Variants in SUGCT observed in about 807,000 individuals in gnomAD.
SUGCT encodes succinyl-CoA:glutarate-CoA transferase.
A neutral mutation model predicts 55.0 loss-of-function variants in SUGCT; 41 were observed. The ratio of observed to expected loss-of-function variants is 0.74; its 90% CI spans 0.58 to 0.97. SUGCT has a LOEUF of 0.97. Ranked by LOEUF, SUGCT falls within the 50% of genes least tolerant of loss-of-function variation. SUGCT has a pLI of 0.00. For synonymous variants in SUGCT, 187 were observed against 200.4 expected (o/e 0.93, Z 0.56); for missense variants, 568 against 547.8 (o/e 1.04, Z -0.37).
chr7:40,769,036 A>T (rs950437296), intron 13 of SUGCT, among the ~76,000 whole-genome samples: 3 of 152,152 alleles, frequency 2.0e-5, no homozygotes, highest in Non-Finnish European at 4.4e-5. Flanking sequence ...GCTAATAATT[A>T]GATGTTAGAG....
At chr7:40,211,437 A>G (rs1787329483) in intron 6 of SUGCT, among the ~76,000 whole-genome samples, 1 of 151,664 alleles carries the variant, frequency 6.6e-6, no homozygotes, top group African/African-American at 2.4e-5. Context: ...CTGATCTTGA[A>G]CTCCTGGCCT....
chr7:40,915,280 T>G, the SUGCT span, among the ~76,000 whole-genome samples: 2 of 152,134 alleles, frequency 1.3e-5, no homozygotes, highest in Non-Finnish European at 2.9e-5. Flanking sequence ...GCACCGGTCT[T>G]ATCACTGAGA....
chr7:40,220,460 AT>A (rs1416762379), intron 6 of SUGCT, among the ~76,000 whole-genome samples: 1 of 152,212 alleles, frequency 6.6e-6, no homozygotes, highest in Non-Finnish European at 1.5e-5. Flanking sequence ...GTTACCAAGT[AT>A]TTTTAAGCCA....
At chr7:40,489,775 G>A (rs996704880) in intron 11 of SUGCT, among the ~76,000 whole-genome samples, 1 of 152,118 alleles carries the variant, frequency 6.6e-6, no homozygotes, top group African/African-American at 2.4e-5. Flanking sequence ...ACTTTGTCAT[G>A]CACTTCACTG....
At chr7:40,941,898 T>C in the SUGCT span, among the ~76,000 whole-genome samples, 1 of 152,294 alleles carries the variant, frequency 6.6e-6, no homozygotes, top group Middle Eastern at 3.4e-3. Flanking sequence ...CTGTTCATTT[T>C]TTGTTTCCAT....
intron 7 of SUGCT, among the ~76,000 whole-genome samples, chr7:40,260,566 G>A (rs1352872646): frequency 6.6e-6 from 1 of 152,200 alleles, no homozygotes; most frequent in Non-Finnish European, 1.5e-5. Flanking sequence ...GAATTTCTGG[G>A]TTGTGAATAT....
intron 12 of SUGCT, among the ~76,000 whole-genome samples, chr7:40,613,009 C>T (rs545961972): frequency 6.6e-6 from 1 of 152,104 alleles, no homozygotes; most frequent in Admixed American, 6.5e-5. Context: ...GGGGGATGCC[C>T]ATAATCCCAG....
the SUGCT span, among the ~76,000 whole-genome samples, chr7:40,899,345 C>T: frequency 8.5e-5 from 13 of 152,296 alleles, no homozygotes; most frequent in African/African-American, 3.1e-4. Flanking sequence ...CCCATTTTGG[C>T]ACCTCGGTGG....
chr7:40,357,084 C>T (rs1797917124), intron 9 of SUGCT, among the ~76,000 whole-genome samples: 1 of 152,170 alleles, frequency 6.6e-6, no homozygotes, highest in Non-Finnish European at 1.5e-5. Context: ...CTTTGCTTGG[C>T]TCAAAAACGA....
intron 12 of SUGCT, among the ~76,000 whole-genome samples, chr7:40,503,187 A>G (rs977409578): frequency 5.3e-5 from 8 of 152,156 alleles, no homozygotes; most frequent in African/African-American, 1.9e-4. Flanking sequence ...TGATTGAGAG[A>G]CATAAAAGGT....
intron 12 of SUGCT, among the ~76,000 whole-genome samples, chr7:40,648,318 T>C (rs1800621884): frequency 6.6e-6 from 1 of 152,268 alleles, no homozygotes; most frequent in Non-Finnish European, 1.5e-5. Context: ...CTGATATTTT[T>C]ATGTATTAGT....
intron 10 of SUGCT, among the ~76,000 whole-genome samples, chr7:40,457,087 G>A (rs1002726748): frequency 2.7e-5 from 4 of 150,630 alleles, no homozygotes; most frequent in African/African-American, 9.8e-5. Context: ...TTTTGCCAAT[G>A]TCTCTTCATT....
chr7:40,408,850 T>C (rs1248103277), intron 9 of SUGCT, among the ~76,000 whole-genome samples: 1 of 152,234 alleles, frequency 6.6e-6, no homozygotes, highest in Non-Finnish European at 1.5e-5. Context: ...TAACCATTTA[T>C]GTTAATAATA....
intron 12 of SUGCT, among the ~76,000 whole-genome samples, chr7:40,731,629 C>T (rs1004386125): frequency 6.6e-5 from 10 of 152,118 alleles, no homozygotes; most frequent in African/African-American, 1.9e-4. Context: ...GAATCACCAA[C>T]CTGCGCCTGA....
chr7:40,342,129 A>G (rs1797081958), intron 9 of SUGCT, among the ~76,000 whole-genome samples: 2 of 152,206 alleles, frequency 1.3e-5, no homozygotes, highest in Admixed American at 6.5e-5. Flanking sequence ...CCCCTGAGAA[A>G]GTCTATGGCA....
Position 40,571,271 on chromosome 7 carries a change from A to G in SUGCT, c.1089+74885A>G, listed in dbSNP as rs576578033. ...ATAACAGCATCCCCAAAGCATTAAT[A>G]TTGATGAAAATAAAGTAAAAAATTA... On this transcript the variant is annotated intron_variant, in intron 12 of 13. Coordinates refer to ENST00000335693, the MANE Select transcript of SUGCT (RefSeq NM_001193313.2). Among the ~76,000 whole-genome samples, 41 of 152,340 alleles carry G rather than the reference A, an allele frequency of 2.7e-4. 2 individuals carry two copies. In the South Asian group the frequency reaches 7.9e-3, roughly 29 times the overall value.
intron 9 of SUGCT, among the ~76,000 whole-genome samples, chr7:40,377,371 T>G (rs1784657043): frequency 6.6e-6 from 1 of 150,592 alleles, no homozygotes; most frequent in South Asian, 2.1e-4. Flanking sequence ...GCCTCCTGGG[T>G]AGCTGGGATG....
chr7:41,030,152 C>T, the SUGCT span, among the ~76,000 whole-genome samples: 1 of 152,116 alleles, frequency 6.6e-6, no homozygotes, highest in East Asian at 1.9e-4. Context: ...TTGCTGTTTG[C>T]CTATTTAAAA....
At chr7:40,676,856 A>G (rs1409617547) in intron 12 of SUGCT, among the ~76,000 whole-genome samples, 2 of 151,678 alleles carry the variant, frequency 1.3e-5, no homozygotes, top group African/African-American at 2.4e-5. Context: ...AAAAATTGTT[A>G]TAAAAACCAA....
Sources: gnomAD v4.1 joint callset for allele counts (sites outside exome capture counted in the v4.1 genomes callset) on GRCh38, gnomAD v4.1.1 for gene constraint, MANE v1.5 for transcripts, NCBI Gene and HGNC (gene_info 2026-07-23, HGNC 2026-07-21) for gene names.